The following OR2L13 variants were observed in gnomAD, a reference collection of about 807,000 sequenced individuals.
The protein encoded by OR2L13 is olfactory receptor family 2 subfamily L member 13, also known as olfactory receptor 2L13.
Under a neutral mutation model 15.3 loss-of-function variants are expected in OR2L13, and 14 were observed. The observed-to-expected ratio is 0.91, with a 90% CI of 0.60 to 1.43. The LOEUF is 1.43. Ranked by LOEUF, OR2L13 falls within the 40% of genes most tolerant of loss-of-function variation. OR2L13 has a pLI of 0.00. For synonymous variants in OR2L13, 152 were observed against 142.9 expected (o/e 1.06, Z -0.45); for missense variants, 367 against 387.9 (o/e 0.95, Z 0.45).
the OR2L13 span, among the ~76,000 whole-genome samples, chr1:248,051,406 G>T: frequency 1.3e-5 from 2 of 152,112 alleles, no homozygotes; most frequent in African/African-American, 4.8e-5. Flanking sequence ...ATGACCACTT[G>T]CTTTGTTTCT....
the OR2L13 span, among the ~76,000 whole-genome samples, chr1:248,002,430 T>A: frequency 2.5e-5 from 3 of 120,784 alleles, no homozygotes; most frequent in Non-Finnish European, 4.9e-5. Flanking sequence ...TCTCTGTGAA[T>A]TTCACTACAG....
At chr1:247,954,768 G>GT in the OR2L13 span, among the ~76,000 whole-genome samples, 1 of 152,008 alleles carries the variant, frequency 6.6e-6, no homozygotes, top group African/African-American at 2.4e-5. Flanking sequence ...GCATGCCAAC[G>GT]TTTTCATCAT....
the OR2L13 span, among the ~76,000 whole-genome samples, chr1:248,018,932 A>G: frequency 6.6e-6 from 1 of 152,218 alleles, no homozygotes; most frequent in African/African-American, 2.4e-5. Context: ...TTCACTTTGC[A>G]TAATGTAATC....
chr1:248,009,402 CAAAT>C, the OR2L13 span, among the ~76,000 whole-genome samples: 17 of 152,268 alleles, frequency 1.1e-4, 1 homozygote, highest in South Asian at 2.1e-3. Flanking sequence ...GACCTCTACA[CAAAT>C]AAACTAGAAA....
chr1:248,077,934 TA>T, the OR2L13 span, among the ~76,000 whole-genome samples: 1 of 151,870 alleles, frequency 6.6e-6, no homozygotes, highest in African/African-American at 2.4e-5. Flanking sequence ...CTAGAATGTA[TA>T]AAAAAACACA....
At chr1:248,056,896 C>T in the OR2L13 span, among the ~76,000 whole-genome samples, 9 of 151,708 alleles carry the variant, frequency 5.9e-5, no homozygotes, top group African/African-American at 1.7e-4. Flanking sequence ...GCAATCTGCC[C>T]GCCTTGGCCT....
chr1:248,078,392 G>A, the OR2L13 span, among the ~76,000 whole-genome samples: 1 of 152,052 alleles, frequency 6.6e-6, no homozygotes, highest in Non-Finnish European at 1.5e-5. Context: ...AGAATCACTT[G>A]AAACCAGGAG....
At chr1:248,065,625 C>T in the OR2L13 span, among the ~76,000 whole-genome samples, 12 of 144,436 alleles carry the variant, frequency 8.3e-5, no homozygotes, top group African/African-American at 3.1e-4. Flanking sequence ...TGATGTTCCC[C>T]TTCCTGTGTC....
the OR2L13 span, chr1:248,040,518 CCTCAGCCCA>C: frequency 6.6e-6 from 1 of 152,310 alleles, no homozygotes; most frequent in Non-Finnish European, 1.5e-5. Context: ...TCTTCCTCCG[CCTCAGCCCA>C]CTCAACGTGA....
chr1:247,961,751 T>TA, the OR2L13 span, among the ~76,000 whole-genome samples: 1 of 152,200 alleles, frequency 6.6e-6, no homozygotes, highest in Non-Finnish European at 1.5e-5. Flanking sequence ...TGGGGTGTCT[T>TA]TCCAGACGGT....
upstream of OR2L13, among the ~76,000 whole-genome samples, chr1:248,096,662 C>T (rs1310191212): frequency 6.6e-6 from 1 of 152,096 alleles, no homozygotes; most frequent in Non-Finnish European, 1.5e-5. Flanking sequence ...TGACTATTTG[C>T]TATTGGTCTC....
chr1:248,007,984 A>T, the OR2L13 span, among the ~76,000 whole-genome samples: 1 of 152,190 alleles, frequency 6.6e-6, no homozygotes, highest in Non-Finnish European at 1.5e-5. Context: ...CATATTTATT[A>T]GTTTGAGCTG....
the OR2L13 span, among the ~76,000 whole-genome samples, chr1:248,014,868 A>G: frequency 0.037 from 5,632 of 152,160 alleles, 311 homozygotes; most frequent in African/African-American, 0.13. Context: ...AAGAGCTAGG[A>G]TTCCATTTGG....
chr1:247,984,915 C>T, the OR2L13 span, among the ~76,000 whole-genome samples: 1 of 152,084 alleles, frequency 6.6e-6, no homozygotes, highest in African/African-American at 2.4e-5. Flanking sequence ...CCCTGGGTTC[C>T]AGCATTCGAC....
chr1:248,009,430 G>T, the OR2L13 span, among the ~76,000 whole-genome samples: 2 of 152,084 alleles, frequency 1.3e-5, no homozygotes, highest in Non-Finnish European at 2.9e-5. Flanking sequence ...TAGAAGAAAT[G>T]GGCAAATTCC....
At chr1:247,964,156 A>G in the OR2L13 span, among the ~76,000 whole-genome samples, 5 of 152,174 alleles carry the variant, frequency 3.3e-5, no homozygotes, top group Non-Finnish European at 5.9e-5. Context: ...CACTTATTCT[A>G]CTGAGTTTGG....
At chr1:247,984,229 C>CATTATTATTATT in the OR2L13 span, among the ~76,000 whole-genome samples, 1,804 of 148,490 alleles carry the variant, frequency 0.012, 37 homozygotes, top group African/African-American at 0.04. Flanking sequence ...GAAAATAAGT[C>CATTATTATTATT]ATTATTATTA....
chr1:247,968,231 G>C, the OR2L13 span, among the ~76,000 whole-genome samples: 37 of 152,246 alleles, frequency 2.4e-4, no homozygotes, highest in African/African-American at 8.9e-4. Flanking sequence ...GAATGTCAGA[G>C]AGTTTATGTA....
At chr1:248,016,034 G>A in the OR2L13 span, among the ~76,000 whole-genome samples, 1 of 152,244 alleles carries the variant, frequency 6.6e-6, no homozygotes, top group South Asian at 2.1e-4. Flanking sequence ...CAAATCCTGT[G>A]ATTCAGCTAT....
Sources: allele counts gnomAD v4.1 joint callset (sites outside exome capture counted in the v4.1 genomes callset), GRCh38; gene constraint gnomAD v4.1.1; transcripts MANE v1.5; gene names NCBI Gene and HGNC (gene_info 2026-07-23, HGNC 2026-07-21).